Variants in ARK2N observed in about 807,000 individuals in gnomAD.
ARK2N encodes arkadia (RNF111) N-terminal like PKA signaling regulator 2N.
chr18:46,187,009 C>T, the ARK2N span, among the ~76,000 whole-genome samples: 1 of 151,514 alleles, frequency 6.6e-6, no homozygotes, highest in Non-Finnish European at 1.5e-5. Flanking sequence ...CATGCGTCAT[C>T]ATGACTGGCA....
the ARK2N span, chr18:46,218,310 T>C: frequency 6.6e-6 from 1 of 152,236 alleles, no homozygotes; most frequent in Non-Finnish European, 1.5e-5. Flanking sequence ...CTGAATTGTG[T>C]ACTAACTGAA....
the ARK2N span, among the ~76,000 whole-genome samples, chr18:46,260,325 A>G: frequency 6.6e-6 from 1 of 152,190 alleles, no homozygotes; most frequent in East Asian, 1.9e-4. Flanking sequence ...TGGGAATTCC[A>G]TGTACAACTA....
the ARK2N span, among the ~76,000 whole-genome samples, chr18:46,194,371 CG>C: frequency 6.6e-6 from 1 of 151,902 alleles, no homozygotes; most frequent in Non-Finnish European, 1.5e-5. Flanking sequence ...GAGGCCGAGG[CG>C]GATGGATCAC....
At chr18:46,178,649 A>C in the ARK2N span, among the ~76,000 whole-genome samples, 2 of 151,894 alleles carry the variant, frequency 1.3e-5, no homozygotes, top group Admixed American at 6.6e-5. Context: ...GGCTACGTGC[A>C]GTGGCTCATG....
chr18:46,186,454 A>C, the ARK2N span, among the ~76,000 whole-genome samples: 1 of 150,162 alleles, frequency 6.7e-6, no homozygotes, highest in Non-Finnish European at 1.5e-5. Context: ...TTGGTCTCCC[A>C]AAGTGGTGGG....
At chr18:46,265,055 T>C in the ARK2N span, 1 of 152,646 alleles carries the variant, frequency 6.6e-6, no homozygotes, top group South Asian at 2.1e-4. Context: ...CTTCTGAAGA[T>C]TCACTACTGG....
chr18:46,184,180 C>CG, the ARK2N span, among the ~76,000 whole-genome samples: 1 of 152,120 alleles, frequency 6.6e-6, no homozygotes. Context: ...TTAGTAGAGA[C>CG]GGGGTTTCAC....
At chr18:46,211,710 A>G in the ARK2N span, among the ~76,000 whole-genome samples, 1 of 152,174 alleles carries the variant, frequency 6.6e-6, no homozygotes, top group Admixed American at 6.5e-5. Flanking sequence ...GTACTCATGT[A>G]GAGGAGGTTG....
the ARK2N span, among the ~76,000 whole-genome samples, chr18:46,196,962 GAAGA>G: frequency 2.6e-5 from 4 of 152,138 alleles, no homozygotes; most frequent in Non-Finnish European, 4.4e-5. Context: ...AGAGAAGTGA[GAAGA>G]AAGAGAGCAA....
the ARK2N span, chr18:46,174,258 G>C: frequency 6.6e-6 from 1 of 152,390 alleles, no homozygotes; most frequent in African/African-American, 2.4e-5. Context: ...AGTCCCGGCC[G>C]GGGGTTCGGT....
the ARK2N span, chr18:46,217,101 A>G: frequency 6.5e-6 from 1 of 153,096 alleles, no homozygotes; most frequent in East Asian, 1.9e-4. Flanking sequence ...CCCATATTCA[A>G]TGCATGAGAA....
At chr18:46,185,846 G>A in the ARK2N span, among the ~76,000 whole-genome samples, 1 of 151,968 alleles carries the variant, frequency 6.6e-6, no homozygotes, top group Non-Finnish European at 1.5e-5. Context: ...AATTAGCTGG[G>A]CTTGCTGGCT....
the ARK2N span, among the ~76,000 whole-genome samples, chr18:46,199,263 AC>A: frequency 5.3e-5 from 8 of 152,034 alleles, no homozygotes; most frequent in Non-Finnish European, 2.9e-5. Flanking sequence ...AGGCTGAACT[AC>A]ATTTCCTAGA....
chr18:46,198,191 C>G, the ARK2N span, among the ~76,000 whole-genome samples: 1 of 151,596 alleles, frequency 6.6e-6, no homozygotes, highest in South Asian at 2.1e-4. Flanking sequence ...GTCCCAGCTA[C>G]CTGGGAAGCT....
the ARK2N span, chr18:46,239,866 A>C: frequency 1.3e-6 from 1 of 764,696 alleles, no homozygotes; most frequent in Non-Finnish European, 2.1e-6. Flanking sequence ...TTTTGTACAA[A>C]ATATTAGATC....
At chr18:46,253,813 G>A in the ARK2N span, 1 of 1,610,092 alleles carries the variant, frequency 6.2e-7, no homozygotes, top group Non-Finnish European at 8.5e-7. Flanking sequence ...GGGAGTTCAG[G>A]AACATGCAAG....
At chr18:46,178,850 G>T in the ARK2N span, among the ~76,000 whole-genome samples, 1 of 151,532 alleles carries the variant, frequency 6.6e-6, no homozygotes, top group African/African-American at 2.4e-5. Context: ...GGGGTTTGTG[G>T]CTGCAGTGAG....
At chr18:46,247,027 A>G in the ARK2N span, among the ~76,000 whole-genome samples, 1 of 152,158 alleles carries the variant, frequency 6.6e-6, no homozygotes. Context: ...GTTAAATACC[A>G]GCAGGTTTGG....
chr18:46,212,598 C>G, the ARK2N span, among the ~76,000 whole-genome samples: 1 of 151,912 alleles, frequency 6.6e-6, no homozygotes, highest in Non-Finnish European at 1.5e-5. Context: ...CAATACTAGT[C>G]TTTTGTGATT....
Sources: allele counts gnomAD v4.1 joint callset (sites outside exome capture counted in the v4.1 genomes callset), GRCh38; gene constraint gnomAD v4.1.1; transcripts MANE v1.5; gene names NCBI Gene and HGNC (gene_info 2026-07-23, HGNC 2026-07-21).